ALOX5: variants seen among roughly 807,000 people sequenced by gnomAD.
The protein encoded by ALOX5 is arachidonate 5-lipoxygenase.
ALOX5 carries 64 observed loss-of-function variants against 87.9 expected under a neutral mutation model. The observed-to-expected ratio is 0.73, with a 90% CI of 0.60 to 0.90. The LOEUF is 0.90. Among genes scored for constraint, ALOX5 ranks in the 40% least tolerant of loss-of-function variants. The probability of loss-of-function intolerance (pLI) is 0.00; values close to 1 mark genes in which losing one functional copy is unlikely to be tolerated. For missense variants in ALOX5, 822 were observed against 907.5 expected, an observed-to-expected ratio of 0.91 and a Z score of 1.21; for synonymous variants, 388 against 355.1, an observed-to-expected ratio of 1.09 and a Z score of -1.04.
intron 4 of ALOX5, among the ~76,000 whole-genome samples, chr10:45,418,585 C>T (rs1841384829): frequency 6.6e-6 from 1 of 152,218 alleles, no homozygotes; most frequent in Non-Finnish European, 1.5e-5. Context: ...TGGGCGTCCT[C>T]TCTGATGGGG....
Position 45,374,429 on chromosome 10 carries a change from G to A in ALOX5, c.150G>A (p.Ala50=). Residue 50 remains alanine, a splice_region_variant and synonymous_variant, in exon 1 of 14, where the codon GCG becomes GCA. Transcript: ENST00000374391. ...TCTACAACGACTTCGAGCGTGGCGC[G>A]GTGAGCGCGGGCGGGGCACGGGTGG... ...KPFYNDFERG[A]VDSYDVTVDE... is the part of the protein sequence containing the mutation. 6.5e-7 allele frequency: 1 copy of A among 1,547,990 alleles called. No homozygotes were observed. Among genetic ancestry groups the A allele is most frequent in the Non-Finnish European group, 8.7e-7 (1 of 1,152,872 alleles).
chr10:45,388,437 C>G (rs1840078777), intron 2 of ALOX5, among the ~76,000 whole-genome samples: 1 of 152,230 alleles, frequency 6.6e-6, no homozygotes, highest in South Asian at 2.1e-4. Flanking sequence ...GGGAGGCACC[C>G]TCCAGTAGGG....
chr10:45,413,040 C>A (rs945029344), intron 4 of ALOX5, among the ~76,000 whole-genome samples: 2 of 151,934 alleles, frequency 1.3e-5, no homozygotes. Context: ...GTCAGTTTGG[C>A]GAAACTATTC....
At chr10:45,432,919 GC>G (rs1424357624) in intron 7 of ALOX5, among the ~76,000 whole-genome samples, 1 of 152,174 alleles carries the variant, frequency 6.6e-6, no homozygotes, top group East Asian at 1.9e-4. Context: ...GCTAAGAGAT[GC>G]CTATCTATGA....
chr10:45,438,596 C>G (rs1249841065), intron 7 of ALOX5, among the ~76,000 whole-genome samples: 1 of 152,104 alleles, frequency 6.6e-6, no homozygotes, highest in Admixed American at 6.5e-5. Context: ...CAGAGCATGC[C>G]AGGCAGCCCA....
At position 45,424,893 on chromosome 10, in the gene ALOX5, A is replaced by T. The variant is rs1197391916; in HGVS notation, c.662-67A>T. The T allele has an allele frequency of 3.2e-6, 5 of 1,576,276 alleles. No individual in the cohort carries two copies. The African/African-American group carries it at 6.7e-5, about 21-fold the overall frequency. On this transcript the variant is annotated intron_variant, in intron 5 of 13. Transcript: ENST00000374391. ...AGGGACTCTGCTCTTAGGTGAGGTC[A>T]GGAGGGCCATGGCCCTGGCTGCCCT...
intron 3 of ALOX5, among the ~76,000 whole-genome samples, chr10:45,407,495 CGGGAGACA>C (rs1840927199): frequency 6.6e-6 from 1 of 151,936 alleles, no homozygotes. Context: ...GACGCATGCC[CGGGAGACA>C]GCACTATGCC....
At chr10:45,403,232 A>G (rs1415799118) in intron 3 of ALOX5, among the ~76,000 whole-genome samples, 1 of 152,234 alleles carries the variant, frequency 6.6e-6, no homozygotes, top group Non-Finnish European at 1.5e-5. Flanking sequence ...AATGTCCAAC[A>G]AACAGTAGAA....
chr10:45,411,267 T>C (rs907569828), intron 3 of ALOX5, among the ~76,000 whole-genome samples: 1 of 152,180 alleles, frequency 6.6e-6, no homozygotes, highest in African/African-American at 2.4e-5. Flanking sequence ...ACAACCCATT[T>C]TATCAGCAAG....
intron 2 of ALOX5, among the ~76,000 whole-genome samples, chr10:45,387,858 A>G (rs141659976): frequency 9.6e-4 from 146 of 152,364 alleles, no homozygotes; most frequent in African/African-American, 2.8e-3. Flanking sequence ...GCTCCAGTCT[A>G]CAGCTCCCAA....
At chr10:45,409,786 C>T (rs1252219685) in intron 3 of ALOX5, among the ~76,000 whole-genome samples, 4 of 152,230 alleles carry the variant, frequency 2.6e-5, no homozygotes, top group Non-Finnish European at 5.9e-5. Context: ...GCAGGTCAGC[C>T]TGTCAGGGTC....
chr10:45,427,590 G>A (rs1234806053), intron 6 of ALOX5, among the ~76,000 whole-genome samples: 3 of 152,210 alleles, frequency 2.0e-5, no homozygotes, highest in East Asian at 3.8e-4. Context: ...GAGCTGCAGG[G>A]GGGCGCTCTG....
At chr10:45,386,271 A>T (rs529657140) in intron 2 of ALOX5, among the ~76,000 whole-genome samples, 1 of 151,340 alleles carries the variant, frequency 6.6e-6, no homozygotes, top group Non-Finnish European at 1.5e-5. Context: ...ACTGTACCCC[A>T]GCCTGGGCAA....
intron 3 of ALOX5, among the ~76,000 whole-genome samples, chr10:45,409,848 G>A (rs77632210): frequency 5.9e-5 from 9 of 152,226 alleles, no homozygotes; most frequent in Non-Finnish European, 8.8e-5. Flanking sequence ...TTGGTTTCAG[G>A]GGGGCAGTAG....
rs1229627086 is a variant in ALOX5, at chr10:45,444,260, G to A, written c.1819G>A (p.Ala607Thr). ...RSCWHLGAVW[A>T]LSQFQENELF... ...CTGCTGGCATCTGGGTGCAGTGTGG[G>A]CGCTGAGCCAGTTCCAGGAAAACGA... is the stretch of plus-strand genomic sequence containing the variant. The change falls in exon 13 of 14, where the codon GCG becomes ACG. Residue 607 changes from alanine to threonine, a missense_variant. Ala to Thr is a moderately conservative substitution (Grantham distance 58). Transcript: ENST00000374391. The A allele has an allele frequency of 1.3e-6, 2 of 1,554,876 alleles. No individual in the cohort carries two copies. The highest frequency in any genetic ancestry group is 1.2e-5 in the South Asian group (1 of 84,442).
intron 2 of ALOX5, among the ~76,000 whole-genome samples, chr10:45,385,341 T>A (rs947466944): frequency 2.6e-5 from 4 of 152,206 alleles, no homozygotes; most frequent in African/African-American, 9.6e-5. Flanking sequence ...CCAGAGCATC[T>A]GTGTGAAGGG....
At chr10:45,378,067 C>T (rs930247835) in intron 1 of ALOX5, among the ~76,000 whole-genome samples, 1 of 152,170 alleles carries the variant, frequency 6.6e-6, no homozygotes, top group Non-Finnish European at 1.5e-5. Flanking sequence ...GTGAATCCCC[C>T]GGGGACCCTG....
intron 1 of ALOX5, among the ~76,000 whole-genome samples, chr10:45,377,760 C>T (rs963415080): frequency 6.6e-6 from 1 of 152,154 alleles, no homozygotes; most frequent in Non-Finnish European, 1.5e-5. Flanking sequence ...CAGAGAGATC[C>T]GTCTCCCTGT....
chr10:45,412,126 C>T (rs1589017709), intron 3 of ALOX5, 65 bp from the exon 4 acceptor site: 4 of 1,607,636 alleles, frequency 2.5e-6, no homozygotes, highest in East Asian at 4.5e-5. Context: ...GTGGGCGGCC[C>T]TCAGCTGAGG....
Sources: allele counts gnomAD v4.1 joint callset (sites outside exome capture counted in the v4.1 genomes callset), GRCh38; gene constraint gnomAD v4.1.1; transcripts MANE v1.5; gene names NCBI Gene and HGNC (gene_info 2026-07-23, HGNC 2026-07-21).